ADGRL3: variants seen among roughly 807,000 people sequenced by gnomAD.
ADGRL3 encodes calcium-independent alpha-latrotoxin receptor 3.
In ADGRL3, 62 loss-of-function variants were observed where a neutral mutation model predicts 153.5. The ratio of observed to expected loss-of-function variants is 0.40; its 90% CI spans 0.33 to 0.50. The LOEUF (loss-of-function observed/expected upper bound fraction) is 0.50, where lower values mean the gene tolerates loss of function less well. Among genes scored for constraint, ADGRL3 ranks in the 20% least tolerant of loss-of-function variants. The pLI is 0.47. For missense variants in ADGRL3, 1,641 were observed against 1,859.4 expected, an observed-to-expected ratio of 0.88 and a Z score of 2.16; for synonymous variants, 710 against 672.5, an observed-to-expected ratio of 1.06 and a Z score of -0.86.
rs553317963 is a variant in ADGRL3 at position 61,340,463 on chromosome 4, A to G, written c.-239-42661A>G. Among the ~76,000 whole-genome samples the G allele has an allele frequency of 1.2e-4, 18 of 152,098 alleles. No individual in the cohort carries two copies. The South Asian group carries it at 2.3e-3, about 19-fold the overall frequency. ...AGCTTTAATTTTTCAAGTTCCCAGT[A>G]TAATCCTAAGTACATACTAAATGCT... On this transcript the variant is annotated intron_variant, in intron 1 of 26. Coordinates refer to ENST00000683033, the MANE Select transcript of ADGRL3 (RefSeq NM_001387552.1).
chr4:61,955,925 C>A (rs144949276), intron 17 of ADGRL3, among the ~76,000 whole-genome samples: 1 of 152,156 alleles, frequency 6.6e-6, no homozygotes, highest in Admixed American at 6.5e-5. Flanking sequence ...TTTTTTTTAT[C>A]CAGTCTATCA....
intron 5 of ADGRL3, among the ~76,000 whole-genome samples, chr4:61,653,668 G>A (rs2094347875): frequency 6.6e-6 from 1 of 152,132 alleles, no homozygotes; most frequent in South Asian, 2.1e-4. Flanking sequence ...CTGTCCCTCA[G>A]CACTACCAGA....
intron 1 of ADGRL3, among the ~76,000 whole-genome samples, chr4:61,295,510 G>A (rs1159051760): frequency 2.0e-5 from 3 of 151,996 alleles, no homozygotes; most frequent in Non-Finnish European, 4.4e-5. Context: ...ATAAAATAGA[G>A]ATCTAGCAAA....
chr4:61,294,884 TACACACACACACACACACTCACACAC>T (rs1273618431), intron 1 of ADGRL3, among the ~76,000 whole-genome samples: 8 of 105,236 alleles, frequency 7.6e-5, no homozygotes, highest in Non-Finnish European at 1.2e-4. Flanking sequence ...AATTAAATTT[TACACACACACACACACACTCACACAC>T]ACACACACAC....
At chr4:61,875,609 G>A (rs925182396) in intron 9 of ADGRL3, among the ~76,000 whole-genome samples, 15 of 152,142 alleles carry the variant, frequency 9.9e-5, no homozygotes. Flanking sequence ...AAGTGAAAGG[G>A]TAATACTAAA....
At chr4:61,800,084 A>G (rs916062400) in intron 8 of ADGRL3, among the ~76,000 whole-genome samples, 2 of 152,158 alleles carry the variant, frequency 1.3e-5, no homozygotes, top group African/African-American at 4.8e-5. Flanking sequence ...GTGTACTGGG[A>G]CATGTGACTT....
At chr4:61,389,665 A>T (rs1042540876) in intron 2 of ADGRL3, among the ~76,000 whole-genome samples, 1 of 152,158 alleles carries the variant, frequency 6.6e-6, no homozygotes, top group Non-Finnish European at 1.5e-5. Flanking sequence ...TCAAAACCAC[A>T]GTCAGAATGT....
At position 61,620,049 on chromosome 4, in the gene ADGRL3, A is replaced by T. The variant is rs575621368; in HGVS notation, c.473+32609A>T. ...ATTAAGTAATTTAGGATACTTTTTCATATCTTTAGAAATATATATATATAT... is the reference window on the plus strand; with the variant it reads ...ATTAAGTAATTTAGGATACTTTTTCTTATCTTTAGAAATATATATATATAT... On this transcript the variant is annotated intron_variant, in intron 5 of 26. Coordinates refer to ENST00000683033, the MANE Select transcript of ADGRL3 (RefSeq NM_001387552.1). Among the ~76,000 whole-genome samples, 207 of 150,404 alleles carry T rather than the reference A, an allele frequency of 1.4e-3. 5 individuals carry two copies. In the South Asian group the frequency reaches 0.034, roughly 25 times the overall value.
intron 25 of ADGRL3, among the ~76,000 whole-genome samples, chr4:62,063,878 C>T (rs909854030): frequency 1.3e-5 from 2 of 151,818 alleles, no homozygotes; most frequent in African/African-American, 4.8e-5. Flanking sequence ...TTCTCCATAA[C>T]GTTATAAAAT....
At chr4:61,288,823 T>G (rs1267115810) in intron 1 of ADGRL3, among the ~76,000 whole-genome samples, 1 of 151,982 alleles carries the variant, frequency 6.6e-6, no homozygotes, top group Non-Finnish European at 1.5e-5. Flanking sequence ...TCTGGTTTAG[T>G]TCTTGAGCTT....
intron 2 of ADGRL3, among the ~76,000 whole-genome samples, chr4:61,451,767 A>C (rs1314097107): frequency 6.6e-6 from 1 of 152,162 alleles, no homozygotes; most frequent in Non-Finnish European, 1.5e-5. Context: ...ACTTCATTTC[A>C]TAACCTAGTT....
At chr4:61,834,328 A>G (rs1183213905) in intron 9 of ADGRL3, among the ~76,000 whole-genome samples, 3 of 152,048 alleles carry the variant, frequency 2.0e-5, no homozygotes, top group Non-Finnish European at 2.9e-5. Flanking sequence ...TCCATGGTGT[A>G]TGTGCCACAT....
At chr4:61,590,375 G>GT (rs1310395033) in intron 5 of ADGRL3, among the ~76,000 whole-genome samples, 1 of 151,722 alleles carries the variant, frequency 6.6e-6, no homozygotes, top group East Asian at 1.9e-4. Context: ...ATTTTAGAGA[G>GT]TTTTTTAAAA....
At chr4:61,257,288 CTT>C (rs1357208738) in intron 1 of ADGRL3, among the ~76,000 whole-genome samples, 1 of 152,138 alleles carries the variant, frequency 6.6e-6, no homozygotes, top group African/African-American at 2.4e-5. Flanking sequence ...AGAAACTGAT[CTT>C]GTTTCAATTT....
Position 62,077,434 on chromosome 4 carries a change from T to A in ADGRL3, c.*6526T>A. 1 of 152,034 alleles carries A rather than the reference T, an allele frequency of 6.6e-6. No homozygotes were observed. The highest frequency in any genetic ancestry group is 1.5e-5 in the Non-Finnish European group (1 of 67,926). The allele number at this position is 152,034 out of a possible 1,614,324, so 9.4% of individuals were successfully genotyped here. A position where few individuals can be genotyped will look rare whatever the true frequency, so the allele number is the denominator to read the frequency against. ...AAAGCCGAGAACTAAAATAGCTTTT[T>A]AAAATTTAAAAATTCCTCTGTTTCT... is the stretch of plus-strand genomic sequence containing the variant. On this transcript the variant is annotated 3_prime_UTR_variant, in exon 27 of 27. Coordinates refer to ENST00000683033, the MANE Select transcript of ADGRL3 (RefSeq NM_001387552.1).
At chr4:61,458,751 C>T (rs1354847379) in intron 2 of ADGRL3, among the ~76,000 whole-genome samples, 2 of 151,256 alleles carry the variant, frequency 1.3e-5, no homozygotes, top group East Asian at 3.9e-4. Flanking sequence ...ATAGGAAATA[C>T]ATTTTAGGTT....
chr4:61,763,866 T>C (rs2096941780), intron 8 of ADGRL3, among the ~76,000 whole-genome samples: 1 of 152,172 alleles, frequency 6.6e-6, no homozygotes, highest in Non-Finnish European at 1.5e-5. Flanking sequence ...ACATTTTAAC[T>C]TATTTCCCTC....
At chr4:61,596,864 C>A (rs1375473450) in intron 5 of ADGRL3, among the ~76,000 whole-genome samples, 1 of 152,028 alleles carries the variant, frequency 6.6e-6, no homozygotes, top group African/African-American at 2.4e-5. Context: ...TCTCAAAAAA[C>A]TGTTGGGAAA....
Position 61,869,936 on chromosome 4 carries a change from T to TAAAAAAAAAA in ADGRL3, c.1481-22704_1481-22695dup, listed in dbSNP as rs1190618911. 1.0e-3 allele frequency among the ~76,000 whole-genome samples: 11 copies of TAAAAAAAAAA among 10,502 alleles called. 2 individuals carry two copies. The highest frequency in any genetic ancestry group is 1.3e-3 in the African/African-American group (6 of 4,446). The allele number at this position is 10,502 out of a possible 152,430, so 6.9% of individuals were successfully genotyped here. A position where few individuals can be genotyped will look rare whatever the true frequency, so the allele number is the denominator to read the frequency against. On this transcript the variant is annotated intron_variant, in intron 9 of 26. Coordinates refer to ENST00000683033, the MANE Select transcript of ADGRL3 (RefSeq NM_001387552.1). ...CTGGGCAACAAGAGCAAAACTTTGT[T>TAAAAAAAAAA]AAAAAAAAAAAAAAAAAAAAAAAAA... is the stretch of plus-strand genomic sequence containing the variant.
Sources: gnomAD v4.1 joint callset for allele counts (sites outside exome capture counted in the v4.1 genomes callset) on GRCh38, gnomAD v4.1.1 for gene constraint, MANE v1.5 for transcripts, NCBI Gene and HGNC (gene_info 2026-07-23, HGNC 2026-07-21) for gene names.